The following TTLL8 variants were observed in gnomAD, a reference collection of about 807,000 sequenced individuals.
TTLL8 encodes protein monoglycylase TTLL8.
TTLL8 carries 65 observed loss-of-function variants against 77.8 expected under a neutral mutation model. The observed-to-expected ratio is 0.84, with a 90% CI of 0.68 to 1.03. The LOEUF (loss-of-function observed/expected upper bound fraction) is 1.03, where lower values mean the gene tolerates loss of function less well. Among genes scored for constraint, TTLL8 ranks in the 50% least tolerant of loss-of-function variants. TTLL8 has a pLI of 0.00. For synonymous variants in TTLL8, 402 were observed against 422.8 expected (o/e 0.95, Z 0.60); for missense variants, 910 against 1,004.5 (o/e 0.91, Z 1.27).
At position 50,051,361 on chromosome 22, in the gene TTLL8, T is replaced by G. The variant is rs141076077; in HGVS notation, c.52-1114A>C. 7.0e-3 allele frequency among the ~76,000 whole-genome samples: 1,062 copies of G among 152,350 alleles called. 12 individuals are homozygous for G. The highest frequency in any genetic ancestry group is 0.024 in the African/African-American group (1,000 of 41,574). Reference sequence around the variant, plus strand: ...TCCATCCAGGTTGCTGCAAAAGACATTATCTGGTTCCTTCTTATGGCTGAG... The same window carrying G: ...TCCATCCAGGTTGCTGCAAAAGACAGTATCTGGTTCCTTCTTATGGCTGAG... On this transcript the variant is annotated intron_variant, in intron 1 of 13. Transcript: ENST00000266182.
chr22:50,045,692 C>T (rs1365559403), intron 5 of TTLL8, 164 bp downstream of exon 7: 10 of 936,364 alleles, frequency 1.1e-5, no homozygotes, highest in Non-Finnish European at 1.1e-5. Context: ...CCCTCCCTCC[C>T]GGGGCCCCTG....
chr22:50,045,897 C>T, exon 5 of TTLL8: 1 of 1,361,062 alleles, frequency 7.3e-7, no homozygotes, highest in Non-Finnish European at 9.8e-7. Context: ...GAGGCTGTAG[C>T]AGCGTGGGAA....
rs1352379388 is a variant in TTLL8 at position 50,034,885 on chromosome 22, G to A, written c.922-423C>T. 6.6e-6 allele frequency among the ~76,000 whole-genome samples: 1 copy of A among 152,210 alleles called. No individual in the cohort carries two copies. The highest frequency in any genetic ancestry group is 1.5e-5 in the Non-Finnish European group (1 of 68,036). On this transcript the variant is annotated intron_variant, in intron 8 of 13. Coordinates refer to ENST00000266182, the Ensembl canonical transcript of TTLL8. This position sits in a 1 kb window ranked among gnomAD's most constrained non-coding sequence, Gnocchi z 4.1. ...CCAGCTTCCGCCTGTGGTTGGTGGT[G>A]CCTGGGACCGACCCCTGGTAGGAAA...
chr22:50,058,251 G>A (rs547278609), upstream of TTLL8, among the ~76,000 whole-genome samples: 1 of 150,760 alleles, frequency 6.6e-6, no homozygotes, highest in South Asian at 2.1e-4. The surrounding 1 kb of genome is among the most constrained non-coding windows in gnomAD (Gnocchi z 4.2). Context: ...CACCCCCGGT[G>A]CGGCGGCTGC....
intron 4 of TTLL8, 94 bp from the exon 7 acceptor site, chr22:50,046,064 C>A: frequency 1.7e-6 from 2 of 1,175,146 alleles, no homozygotes; most frequent in Non-Finnish European, 2.2e-6. Context: ...CTCAGACTTG[C>A]CTGGCTATGG....
intron 8 of TTLL8, among the ~76,000 whole-genome samples, chr22:50,036,959 C>G (rs948380507): frequency 3.3e-5 from 5 of 152,094 alleles, no homozygotes; most frequent in African/African-American, 9.7e-5. Context: ...AGCTCAGCCC[C>G]TCCTTGGACA....
chr22:50,050,577 G>T (rs887949729), intron 1 of TTLL8, among the ~76,000 whole-genome samples: 2 of 151,982 alleles, frequency 1.3e-5, no homozygotes, highest in Non-Finnish European at 2.9e-5. Flanking sequence ...ACCTTGCCTA[G>T]TTCACAAGAC....
chr22:50,027,650 C>G, intron 12 of TTLL8: 1 of 985,458 alleles, frequency 1.0e-6, no homozygotes, highest in Non-Finnish European at 1.2e-6. Context: ...AGGGCCAGCA[C>G]GCACTTCCTG....
At chr22:50,030,501 T>G (rs754813003) in exon 12 of TTLL8, 10 of 1,343,024 alleles carry the variant, frequency 7.4e-6, no homozygotes, top group South Asian at 5.9e-5. Flanking sequence ...CTCCAGCGGG[T>G]GCGCATTTAG....
intron 8 of TTLL8, among the ~76,000 whole-genome samples, chr22:50,036,387 A>G (rs1329285483): frequency 6.6e-6 from 1 of 152,090 alleles, no homozygotes; most frequent in Non-Finnish European, 1.5e-5. Flanking sequence ...ATCCTGCCAT[A>G]CTCAAAAAAG....
intron 1 of TTLL8, among the ~76,000 whole-genome samples, chr22:50,050,945 A>C (rs1361951181): frequency 6.6e-6 from 1 of 152,198 alleles, no homozygotes; most frequent in African/African-American, 2.4e-5. Flanking sequence ...CTCCCGGCCG[A>C]ATGAAAACCT....
upstream of TTLL8, among the ~76,000 whole-genome samples, chr22:50,058,263 G>C (rs1038387171): frequency 6.7e-6 from 1 of 150,160 alleles, no homozygotes; most frequent in Non-Finnish European, 1.5e-5. The surrounding 1 kb of genome is among the most constrained non-coding windows in gnomAD (Gnocchi z 4.2). Flanking sequence ...GGCGGCTGCT[G>C]GGCCCGTGGC....
intron 5 of TTLL8, among the ~76,000 whole-genome samples, 170 bp from the exon 8 acceptor site, chr22:50,045,559 T>C (rs1601932615): frequency 1.3e-5 from 2 of 152,066 alleles, no homozygotes; most frequent in Admixed American, 1.3e-4. Flanking sequence ...CCCTGCAGTG[T>C]CTCTGTGACT....
chr22:50,033,255 C>A, exon 10 of TTLL8: 1 of 1,359,692 alleles, frequency 7.4e-7, no homozygotes, highest in African/African-American at 1.5e-5. Flanking sequence ...AGTAACTCTC[C>A]TTGTAGAACC....
At position 50,047,389 on chromosome 22, in the gene TTLL8, G is replaced by A. The variant is rs2061419470; in HGVS notation, c.265-93C>T. ...TGAGGCAACCATCAGAGGACAAATG[G>A]CGTGCAGCGTGAGGATCCCAGCCGG... On this transcript the variant is annotated intron_variant, in intron 3 of 13. Coordinates refer to ENST00000266182, the Ensembl canonical transcript of TTLL8. 2.2e-5 allele frequency: 24 copies of A among 1,089,322 alleles called. No individual in the cohort carries two copies. The South Asian group carries it at 2.9e-4, about 13-fold the overall frequency. 67.5% of individuals were successfully genotyped at this position (1,089,322 alleles called of 1,614,324 possible). A position where few individuals can be genotyped will look rare whatever the true frequency, so the allele number is the denominator to read the frequency against.
chr22:50,045,194 G>A (rs2061400960), intron 6 of TTLL8, 61 bp downstream of exon 8: 1 of 1,302,182 alleles, frequency 7.7e-7, no homozygotes, highest in Non-Finnish European at 1.0e-6. Flanking sequence ...GAGGCGGGAG[G>A]GCCCCTGTGG....
upstream of TTLL8, among the ~76,000 whole-genome samples, chr22:50,055,657 A>G (rs953774208): frequency 1.9e-4 from 9 of 47,374 alleles, 1 homozygote; most frequent in African/African-American, 2.6e-4. Flanking sequence ...CTCTGTCTCA[A>G]AAAAAAAAAA....
chr22:50,032,943 G>T (rs771167236), intron 10 of TTLL8, among the ~76,000 whole-genome samples: 1 of 152,226 alleles, frequency 6.6e-6, no homozygotes, highest in African/African-American at 2.4e-5. Flanking sequence ...CAGGCAAAAT[G>T]GTGCCTTTTA....
exon 2 of TTLL8, chr22:50,050,147 A>G: frequency 7.3e-7 from 1 of 1,367,176 alleles, no homozygotes; most frequent in Non-Finnish European, 9.8e-7. Flanking sequence ...ATCCGGAATG[A>G]CCTTGGGCAA....
Sources: gnomAD v4.1 joint callset for allele counts (sites outside exome capture counted in the v4.1 genomes callset) on GRCh38, gnomAD v4.1.1 for gene constraint, Gnocchi (gnomAD v3.1) non-coding constraint, MANE v1.5 for transcripts, NCBI Gene and HGNC (gene_info 2026-07-23, HGNC 2026-07-21) for gene names.